Variants in PRKAR2B observed in about 807,000 individuals in gnomAD.
PRKAR2B encodes protein kinase cAMP-dependent type II regulatory subunit beta, also known as cAMP-dependent protein kinase type II-beta regulatory subunit.
PRKAR2B carries 14 observed loss-of-function variants against 49.9 expected under a neutral mutation model. The observed-to-expected ratio is 0.28, with a 90% CI of 0.19 to 0.44. The LOEUF (loss-of-function observed/expected upper bound fraction) is 0.44, where lower values mean the gene tolerates loss of function less well. Ranked by LOEUF, PRKAR2B falls within the 20% of genes least tolerant of loss-of-function variation. The pLI is 1.00. For synonymous variants in PRKAR2B, 196 were observed against 197.7 expected (o/e 0.99, Z 0.07); for missense variants, 393 against 537.9 (o/e 0.73, Z 2.67).
chr7:107,062,092 G>C (rs1794037562), intron 1 of PRKAR2B, among the ~76,000 whole-genome samples: 1 of 152,104 alleles, frequency 6.6e-6, no homozygotes, highest in Admixed American at 6.6e-5. Context: ...GGCATAAAGT[G>C]ATATAAACAC....
At chr7:107,086,526 G>A (rs982965825) in intron 2 of PRKAR2B, among the ~76,000 whole-genome samples, 1 of 151,892 alleles carries the variant, frequency 6.6e-6, no homozygotes, top group African/African-American at 2.4e-5. Flanking sequence ...CGAGGCTGGA[G>A]TGCAGTGGCA....
At chr7:107,147,018 G>A (rs1162045092) in intron 6 of PRKAR2B, among the ~76,000 whole-genome samples, 1 of 152,020 alleles carries the variant, frequency 6.6e-6, no homozygotes, top group Non-Finnish European at 1.5e-5. Context: ...AAGCAGTTGT[G>A]TAGGGAAAAA....
At chr7:107,126,420 C>CAAATAAAAAAAAAAA (rs1795494238) in intron 3 of PRKAR2B, among the ~76,000 whole-genome samples, 2 of 38,392 alleles carry the variant, frequency 5.2e-5, no homozygotes, top group Non-Finnish European at 1.0e-4. Context: ...GAATCTGTCT[C>CAAATAAAAAAAAAAA]AAAAAAAAAA....
chr7:107,047,970 A>G (rs1793730861), intron 1 of PRKAR2B, among the ~76,000 whole-genome samples: 2 of 152,240 alleles, frequency 1.3e-5, no homozygotes, highest in Non-Finnish European at 2.9e-5. Context: ...CTTAACATTT[A>G]AAACATAATT....
intron 7 of PRKAR2B, among the ~76,000 whole-genome samples, chr7:107,151,433 C>T (rs1472701527): frequency 6.6e-6 from 1 of 152,198 alleles, no homozygotes; most frequent in Non-Finnish European, 1.5e-5. Flanking sequence ...TTAAAACTGG[C>T]ATTCCAGGCC....
intron 1 of PRKAR2B, chr7:107,067,140 T>G (rs538648461): frequency 6.6e-6 from 1 of 152,238 alleles, no homozygotes; most frequent in Admixed American, 6.5e-5. Context: ...TTCCCTGACT[T>G]ACTTTCCTGA....
rs934846395 is a variant in PRKAR2B at position 107,122,106 on chromosome 7, G to C, written c.396+102G>C. 3 of 654,820 alleles carry C rather than the reference G, an allele frequency of 4.6e-6. No individual in the cohort carries two copies. The African/African-American group carries it at 5.6e-5, about 12-fold the overall frequency. The allele number at this position is 654,820 out of a possible 1,614,324, so 40.6% of individuals were successfully genotyped here. On this transcript the variant is annotated intron_variant, in intron 3 of 10. Coordinates refer to ENST00000265717, the MANE Select transcript of PRKAR2B (RefSeq NM_002736.3). ...TTAACAGGCATGTAGGTTAACAGGA[G>C]ACATAATGGAATTATTTTGACTGTT...
At chr7:107,138,552 A>C (rs533028700) in intron 4 of PRKAR2B, among the ~76,000 whole-genome samples, 2 of 141,394 alleles carry the variant, frequency 1.4e-5, no homozygotes, top group Non-Finnish European at 3.0e-5. Context: ...AGTAGCTGAG[A>C]CTACTCATTT....
chr7:107,109,394 G>T (rs956797089), intron 2 of PRKAR2B, among the ~76,000 whole-genome samples: 2 of 151,296 alleles, frequency 1.3e-5, no homozygotes, highest in Non-Finnish European at 2.9e-5. Flanking sequence ...CAAGTAGCTG[G>T]GACTACAGGC....
chr7:107,118,211 G>C (rs1381144579), intron 2 of PRKAR2B, among the ~76,000 whole-genome samples: 2 of 152,080 alleles, frequency 1.3e-5, no homozygotes, highest in East Asian at 3.9e-4. Flanking sequence ...TTTGTGCCAG[G>C]AATTTTGGTG....
intron 1 of PRKAR2B, chr7:107,067,142 CT>C (rs1430745699): frequency 6.6e-6 from 1 of 152,238 alleles, no homozygotes; most frequent in Non-Finnish European, 1.5e-5. Flanking sequence ...CCCTGACTTA[CT>C]TTCCTGAGAG....
chr7:107,098,937 G>A (rs186715659), intron 2 of PRKAR2B, among the ~76,000 whole-genome samples: 7 of 152,316 alleles, frequency 4.6e-5, no homozygotes, highest in Admixed American at 2.6e-4. Flanking sequence ...ACTGGGAGGT[G>A]TCTCCCAGTT....
chr7:107,058,430 T>A (rs1398079529), intron 1 of PRKAR2B, among the ~76,000 whole-genome samples: 3 of 152,196 alleles, frequency 2.0e-5, no homozygotes, highest in Admixed American at 6.5e-5. Flanking sequence ...CATCTCCAAG[T>A]CTTACATTAG....
chr7:107,070,016 TAAGTA>T (rs1296066229), intron 1 of PRKAR2B: 1 of 293,268 alleles, frequency 3.4e-6, no homozygotes, highest in Non-Finnish European at 6.4e-6. Context: ...GGTTCCCAGT[TAAGTA>T]GTTTTAGCTG....
chr7:107,157,568 TTAAAA>T (rs1350596578), intron 10 of PRKAR2B, among the ~76,000 whole-genome samples: 4 of 152,240 alleles, frequency 2.6e-5, no homozygotes, highest in South Asian at 2.1e-4. Flanking sequence ...ATATTAGTCA[TTAAAA>T]TAAGAGTTCC....
intron 2 of PRKAR2B, among the ~76,000 whole-genome samples, chr7:107,099,799 T>A (rs1794923355): frequency 6.6e-6 from 1 of 152,044 alleles, no homozygotes; most frequent in Non-Finnish European, 1.5e-5. Context: ...CATGCCTGGC[T>A]AATTTTTTGT....
chr7:107,128,025 C>T, intron 3 of PRKAR2B, among the ~76,000 whole-genome samples, 187 bp from the exon 4 acceptor site: 1 of 152,194 alleles, frequency 6.6e-6, no homozygotes, highest in East Asian at 1.9e-4. Flanking sequence ...GAATTATGTT[C>T]CCCTACTTGG....
rs114585761 is a variant in PRKAR2B at position 107,148,627 on chromosome 7, A to G, written c.741+2166A>G. On this transcript the variant is annotated intron_variant, in intron 6 of 10. Transcript: ENST00000265717. ...CCTACTTTTTAAGGGTGACTTGACT[A>G]ATTATAATAACTCCTTCTCAGGGAG... is the stretch of plus-strand genomic sequence containing the variant. Among the ~76,000 whole-genome samples, 667 of 152,298 alleles carry G rather than the reference A, an allele frequency of 4.4e-3. 6 individuals carry two copies. The highest frequency in any genetic ancestry group is 0.016 in the African/African-American group (652 of 41,554).
chr7:107,122,280 C>T (rs1415403424), intron 3 of PRKAR2B, among the ~76,000 whole-genome samples: 1 of 152,046 alleles, frequency 6.6e-6, no homozygotes, highest in Non-Finnish European at 1.5e-5. Context: ...TATTATTTTT[C>T]TTAGACAGTG....
Sources: allele counts gnomAD v4.1 joint callset (sites outside exome capture counted in the v4.1 genomes callset), GRCh38; gene constraint gnomAD v4.1.1; transcripts MANE v1.5; gene names NCBI Gene and HGNC (gene_info 2026-07-23, HGNC 2026-07-21).